The following ROBO2 variants were observed in gnomAD, a reference collection of about 807,000 sequenced individuals.
ROBO2 encodes the protein roundabout guidance receptor 2.
A neutral mutation model predicts 160.8 loss-of-function variants in ROBO2; 53 were observed. The observed-to-expected ratio is 0.33, with a 90% CI of 0.26 to 0.41. The LOEUF (loss-of-function observed/expected upper bound fraction) is 0.41, where lower values mean the gene tolerates loss of function less well. ROBO2 is among the 10% of genes least tolerant of loss of function. The pLI, the probability that ROBO2 is intolerant of heterozygous loss-of-function variation, is 1.00. For missense variants in ROBO2, 1,577 were observed against 1,722.4 expected (o/e 0.92, Z 1.49); for synonymous variants, 664 against 611.7 (o/e 1.09, Z -1.26).
At chr3:76,242,867 G>C (rs62268381) in intron 2 of ROBO2, among the ~76,000 whole-genome samples, 1 of 152,056 alleles carries the variant, frequency 6.6e-6, no homozygotes, top group South Asian at 2.1e-4. Context: ...CTGGGCCACA[G>C]AGCACAGGGA....
chr3:77,186,723 G>A (rs2081318963), intron 2 of ROBO2, among the ~76,000 whole-genome samples: 1 of 151,750 alleles, frequency 6.6e-6, no homozygotes, highest in African/African-American at 2.4e-5. Context: ...TTTTTTGAGA[G>A]TAAGCAATGT....
intron 2 of ROBO2, among the ~76,000 whole-genome samples, chr3:76,588,572 G>A (rs938250620): frequency 4.6e-5 from 7 of 152,276 alleles, no homozygotes; most frequent in African/African-American, 1.7e-4. Flanking sequence ...GGATTATTCT[G>A]ATGATATTCT....
intron 2 of ROBO2, among the ~76,000 whole-genome samples, chr3:76,790,654 T>G (rs2108727417): frequency 6.6e-6 from 1 of 151,856 alleles, no homozygotes; most frequent in African/African-American, 2.4e-5. Context: ...AAGTATCAAC[T>G]ACATCGCATT....
intron 2 of ROBO2, among the ~76,000 whole-genome samples, chr3:77,308,366 G>C (rs2153420120): frequency 6.6e-6 from 1 of 152,056 alleles, no homozygotes; most frequent in East Asian, 1.9e-4. Flanking sequence ...CATAATAAAA[G>C]ATAAACCAAG....
chr3:76,290,106 T>C (rs1708730581), intron 2 of ROBO2, among the ~76,000 whole-genome samples: 1 of 152,180 alleles, frequency 6.6e-6, no homozygotes, highest in South Asian at 2.1e-4. Flanking sequence ...TTTAGTGATA[T>C]TGATTCTTCT....
intron 2 of ROBO2, among the ~76,000 whole-genome samples, chr3:76,921,236 C>T (rs758981924): frequency 1.1e-4 from 17 of 151,984 alleles, no homozygotes; most frequent in Non-Finnish European, 2.1e-4. Context: ...TATATTCGTC[C>T]CATCAGTAAT....
In ROBO2 at chr3:76,114,301, G is replaced by A. The variant is rs1018145273; in HGVS notation, c.109+176699G>A. ...AATATCTAAACTTTAAGTGTTCGGT[G>A]GCTTTTCATGAAATTAATTTCTTGG... On this transcript the variant is annotated intron_variant, in intron 2 of 26. Transcript: ENST00000487694. Among the ~76,000 whole-genome samples the A allele has an allele frequency of 3.9e-5, 6 of 152,050 alleles. 1 individual carries two copies. The Middle Eastern group carries it at 0.01, about 259-fold the overall frequency.
At chr3:76,822,825 C>A (rs1442716230) in intron 2 of ROBO2, among the ~76,000 whole-genome samples, 1 of 151,728 alleles carries the variant, frequency 6.6e-6, no homozygotes, top group East Asian at 1.9e-4. Flanking sequence ...GTTCTTTTTA[C>A]TTTTATTCTT....
intron 2 of ROBO2, among the ~76,000 whole-genome samples, chr3:76,920,987 G>A (rs554975924): frequency 6.6e-6 from 1 of 152,280 alleles, no homozygotes; most frequent in Admixed American, 6.5e-5. Flanking sequence ...AAATCTATAT[G>A]TTCAGAGGGC....
intron 2 of ROBO2, among the ~76,000 whole-genome samples, chr3:77,019,155 A>G (rs1197858116): frequency 6.6e-6 from 1 of 152,174 alleles, no homozygotes; most frequent in Non-Finnish European, 1.5e-5. Flanking sequence ...AAAATACCAT[A>G]AACTGGGTAT....
chr3:77,295,860 A>C (rs1007074329), intron 2 of ROBO2, among the ~76,000 whole-genome samples: 1 of 150,296 alleles, frequency 6.7e-6, no homozygotes, highest in East Asian at 2.0e-4. Flanking sequence ...AGCTGAGGCT[A>C]GATCACCCCA....
intron 2 of ROBO2, among the ~76,000 whole-genome samples, chr3:76,208,699 A>G (rs919462087): frequency 6.6e-6 from 1 of 152,144 alleles, no homozygotes; most frequent in Non-Finnish European, 1.5e-5. Flanking sequence ...GTAAAAGCAC[A>G]CACTTTACCA....
chr3:76,443,870 A>G (rs1317803431), intron 2 of ROBO2, among the ~76,000 whole-genome samples: 1 of 152,172 alleles, frequency 6.6e-6, no homozygotes, highest in Non-Finnish European at 1.5e-5. Flanking sequence ...AGTTACACAT[A>G]AGGTTTTGAC....
At chr3:76,511,776 T>C (rs886226255) in intron 2 of ROBO2, among the ~76,000 whole-genome samples, 5 of 152,046 alleles carry the variant, frequency 3.3e-5, no homozygotes, top group Non-Finnish European at 7.4e-5. Context: ...GTATGTCAAA[T>C]GAGAGAAAAA....
intron 2 of ROBO2, among the ~76,000 whole-genome samples, chr3:76,829,392 T>C (rs1278366049): frequency 6.6e-6 from 1 of 152,138 alleles, no homozygotes; most frequent in Non-Finnish European, 1.5e-5. Context: ...GACAGGTTGG[T>C]GGGTGCAGCA....
intron 1 of ROBO2, among the ~76,000 whole-genome samples, chr3:77,042,914 T>C (rs983182172): frequency 6.6e-6 from 1 of 152,214 alleles, no homozygotes; most frequent in African/African-American, 2.4e-5. Flanking sequence ...GAGTTGACAC[T>C]GAAAAGGCAA....
At chr3:76,393,032 C>T (rs968515933) in intron 2 of ROBO2, among the ~76,000 whole-genome samples, 2 of 152,176 alleles carry the variant, frequency 1.3e-5, no homozygotes, top group African/African-American at 4.8e-5. Context: ...CTCCCCCTTG[C>T]TGATAACTTA....
intron 2 of ROBO2, among the ~76,000 whole-genome samples, chr3:76,395,890 G>C (rs922887597): frequency 6.6e-6 from 1 of 152,056 alleles, no homozygotes; most frequent in South Asian, 2.1e-4. Context: ...TTCTACCAGA[G>C]GTACAAGGAG....
intron 2 of ROBO2, among the ~76,000 whole-genome samples, chr3:76,061,122 A>T (rs143601253): frequency 6.6e-6 from 1 of 152,222 alleles, no homozygotes; most frequent in Non-Finnish European, 1.5e-5. Flanking sequence ...ATCAATGTCA[A>T]GGTGACTTCA....
Sources: gnomAD v4.1 joint callset for allele counts (sites outside exome capture counted in the v4.1 genomes callset) on GRCh38, gnomAD v4.1.1 for gene constraint, MANE v1.5 for transcripts, NCBI Gene and HGNC (gene_info 2026-07-23, HGNC 2026-07-21) for gene names.